The following KLF12 variants were observed in gnomAD, a reference collection of about 807,000 sequenced individuals.
The protein encoded by KLF12 is Krueppel-like factor 12.
In KLF12, 9 loss-of-function variants were observed where a neutral mutation model predicts 37.8. The observed-to-expected ratio is 0.24, with a 90% CI of 0.14 to 0.42. KLF12 has a LOEUF of 0.42. KLF12 is among the 10% of genes least tolerant of loss of function. KLF12 has a pLI of 1.00. For missense variants in KLF12, 411 were observed against 516.0 expected (o/e 0.80, Z 1.97); for synonymous variants, 208 against 202.1 (o/e 1.03, Z -0.25).
At chr13:74,131,975 T>G (rs1878283048) in intron 1 of KLF12, among the ~76,000 whole-genome samples, 1 of 152,174 alleles carries the variant, frequency 6.6e-6, no homozygotes. Flanking sequence ...CGTCTGTCCT[T>G]CAACATCCTA....
At chr13:74,106,790 T>C (rs1876673537) in intron 1 of KLF12, among the ~76,000 whole-genome samples, 1 of 152,146 alleles carries the variant, frequency 6.6e-6, no homozygotes, top group Non-Finnish European at 1.5e-5. Flanking sequence ...AACTCAAATC[T>C]ATCTGCCCAC....
intron 6 of KLF12, among the ~76,000 whole-genome samples, chr13:73,764,309 T>C (rs930029124): frequency 1.3e-5 from 2 of 152,148 alleles, no homozygotes; most frequent in Non-Finnish European, 2.9e-5. Context: ...CCCACTTTTT[T>C]TGTTGTTTCG....
At chr13:73,953,242 C>T (rs965126704) in intron 2 of KLF12, among the ~76,000 whole-genome samples, 5 of 151,752 alleles carry the variant, frequency 3.3e-5, no homozygotes, top group African/African-American at 4.8e-5. Flanking sequence ...TCTTAAGCTG[C>T]GCAGGTTCAA....
At chr13:73,924,536 C>A (rs370491500) in intron 3 of KLF12, among the ~76,000 whole-genome samples, 1 of 152,200 alleles carries the variant, frequency 6.6e-6, no homozygotes, top group African/African-American at 2.4e-5. Context: ...GTTTTGACTG[C>A]CCCACCCACC....
At chr13:74,134,707 A>G (rs1162521226), upstream of KLF12, among the ~76,000 whole-genome samples, 1 of 151,810 alleles carries the variant, frequency 6.6e-6, no homozygotes, top group Non-Finnish European at 1.5e-5. Flanking sequence ...ACCCCTGGAG[A>G]GCAACTCGCT....
chr13:73,777,294 AG>A (rs1345080800), intron 5 of KLF12, among the ~76,000 whole-genome samples: 1 of 152,226 alleles, frequency 6.6e-6, no homozygotes, highest in Non-Finnish European at 1.5e-5. Context: ...GTTCATGCTA[AG>A]GGGGTACATC....
At chr13:73,996,497 T>G (rs1457873233) in intron 1 of KLF12, among the ~76,000 whole-genome samples, 1 of 152,246 alleles carries the variant, frequency 6.6e-6, no homozygotes, top group Non-Finnish European at 1.5e-5. Context: ...ACAGGGTAGT[T>G]CTATAATTTT....
rs75480733 is a variant in KLF12, at chr13:73,720,929, G to A, written c.870-5404C>T. 3.0e-4 allele frequency among the ~76,000 whole-genome samples: 45 copies of A among 152,258 alleles called. No homozygotes were observed. In the Middle Eastern group the frequency reaches 0.014, roughly 46 times the overall value. Reference sequence around the variant, plus strand: ...CAGGACAATCTTTCAAGCCTGGAAAGAAGACATACACATCCCAGATTTAAA... The same window carrying A: ...CAGGACAATCTTTCAAGCCTGGAAAAAAGACATACACATCCCAGATTTAAA... On this transcript the variant is annotated intron_variant, in intron 6 of 7. Transcript: ENST00000377669.
chr13:74,128,237 G>A (rs1020114626), intron 1 of KLF12, among the ~76,000 whole-genome samples: 3 of 152,164 alleles, frequency 2.0e-5, no homozygotes, highest in African/African-American at 7.2e-5. Flanking sequence ...GGTGAGACAG[G>A]AATGGAATTC....
In KLF12 at chr13:73,883,413, C is replaced by T. The variant is rs116820596; in HGVS notation, c.124-37040G>A. 3.9e-3 allele frequency among the ~76,000 whole-genome samples: 597 copies of T among 152,218 alleles called. 7 individuals carry two copies. The highest frequency in any genetic ancestry group is 0.014 in the African/African-American group (579 of 41,538). On this transcript the variant is annotated intron_variant, in intron 3 of 7. Transcript: ENST00000377669. Reference sequence around the variant, plus strand: ...AAACTGGTAACCTGCCTTACATAAACGACACGACATCCAATCAAGGTAGCA... The same window carrying T: ...AAACTGGTAACCTGCCTTACATAAATGACACGACATCCAATCAAGGTAGCA...
chr13:74,095,484 G>A (rs1875929994), intron 1 of KLF12, among the ~76,000 whole-genome samples: 1 of 151,796 alleles, frequency 6.6e-6, no homozygotes, highest in South Asian at 2.1e-4. Flanking sequence ...AAACTCCTGG[G>A]CTCAAGCGAT....
chr13:74,252,750 C>T, the KLF12 span, among the ~76,000 whole-genome samples: 2 of 152,296 alleles, frequency 1.3e-5, no homozygotes, highest in African/African-American at 4.8e-5. Context: ...GCTTTGTTCT[C>T]TTCCTCCTTC....
intron 2 of KLF12, among the ~76,000 whole-genome samples, chr13:73,984,489 T>C (rs1891771961): frequency 6.6e-6 from 1 of 152,218 alleles, no homozygotes; most frequent in East Asian, 1.9e-4. Flanking sequence ...TAGAGGCTTA[T>C]GATCAGTGAG....
intron 4 of KLF12, among the ~76,000 whole-genome samples, chr13:73,835,009 T>C (rs898129312): frequency 2.0e-5 from 3 of 150,844 alleles, no homozygotes; most frequent in African/African-American, 7.3e-5. Flanking sequence ...TTCCACTGAA[T>C]AGAGTCACAT....
chr13:73,774,125 G>C (rs1365402878), intron 5 of KLF12, among the ~76,000 whole-genome samples: 1 of 152,044 alleles, frequency 6.6e-6, no homozygotes. Context: ...ATACAAAGTA[G>C]GCACACATTA....
chr13:73,943,982 C>G lies in KLF12; in HGVS notation c.122G>C (p.Gly41Ala). 1 of 1,603,760 alleles carries G rather than the reference C, an allele frequency of 6.2e-7. No homozygotes were observed. Among genetic ancestry groups the G allele is most frequent in the South Asian group, 1.1e-5 (1 of 90,800 alleles). The change falls in exon 3 of 8, where the codon GGG becomes GCG. Residue 41 changes from glycine (G) to alanine (A), a missense_variant and splice_region_variant. Physicochemically the swap from Gly to Ala is moderately conservative, Grantham distance 60. Around this residue, in one of 2 missense-constraint regions of KLF12, gnomAD observed 351 missense variants for 397.8 expected, o/e 0.88. Coordinates refer to ENST00000377669, the MANE Select transcript of KLF12 (RefSeq NM_007249.5). ...GCATTGCTGGAAACTTGTGCTTACC[C>G]CTTGTTCAGATTCCAAAAGCTCTGT...
At chr13:73,995,989 T>C (rs988520659) in intron 1 of KLF12, among the ~76,000 whole-genome samples, 18 of 152,316 alleles carry the variant, frequency 1.2e-4, no homozygotes, top group African/African-American at 3.6e-4. Context: ...CCAATGTCTA[T>C]GGGCCGTAGC....
At chr13:74,232,087 A>T in the KLF12 span, among the ~76,000 whole-genome samples, 2 of 152,162 alleles carry the variant, frequency 1.3e-5, no homozygotes, top group Non-Finnish European at 2.9e-5. Context: ...AAACTAATCT[A>T]CCTTCCCTTG....
chr13:74,186,318 ATTC>A, the KLF12 span, among the ~76,000 whole-genome samples: 1 of 152,096 alleles, frequency 6.6e-6, no homozygotes, highest in Non-Finnish European at 1.5e-5. Flanking sequence ...AGTAGGCTCA[ATTC>A]TTCTTACTTA....
Sources: allele counts gnomAD v4.1 joint callset (sites outside exome capture counted in the v4.1 genomes callset), GRCh38; gene constraint gnomAD v4.1.1; regional missense constraint gnomAD v4.1.1; transcripts MANE v1.5; gene names NCBI Gene and HGNC (gene_info 2026-07-23, HGNC 2026-07-21).